Variants in DPYD observed in about 807,000 individuals in gnomAD.
The protein encoded by DPYD is dihydropyrimidine dehydrogenase.
In DPYD, 109 loss-of-function variants were observed where a neutral mutation model predicts 116.2. That is an observed-to-expected ratio of 0.94 (90% CI 0.80 to 1.10). DPYD has a LOEUF of 1.10. DPYD is among the 50% of genes least tolerant of loss of function. DPYD has a pLI of 0.00. For missense variants in DPYD, 1,302 were observed against 1,254.5 expected (o/e 1.04, Z -0.57); for synonymous variants, 440 against 432.0 (o/e 1.02, Z -0.23).
intron 7 of DPYD, among the ~76,000 whole-genome samples, chr1:97,686,874 GGGAGAAAA>G (rs1434820041): frequency 2.0e-5 from 3 of 151,928 alleles, no homozygotes; most frequent in Non-Finnish European, 4.4e-5. Flanking sequence ...CCTACAGAAT[GGGAGAAAA>G]TTTTTGGAAT....
At chr1:97,787,822 A>G (rs1667119632) in intron 3 of DPYD, among the ~76,000 whole-genome samples, 1 of 152,200 alleles carries the variant, frequency 6.6e-6, no homozygotes, top group African/African-American at 2.4e-5. Context: ...AAACATTGAT[A>G]TTACCATAAT....
chr1:97,230,685 C>T (rs533780227), intron 19 of DPYD, among the ~76,000 whole-genome samples: 2 of 152,246 alleles, frequency 1.3e-5, no homozygotes, highest in East Asian at 3.9e-4. Flanking sequence ...TGGGACATTT[C>T]ATGGAGAAAT....
chr1:97,665,807 C>T (rs904345460), intron 8 of DPYD, among the ~76,000 whole-genome samples: 13 of 152,142 alleles, frequency 8.5e-5, no homozygotes, highest in Non-Finnish European at 1.9e-4. Context: ...AAGTTAAGGA[C>T]ATCTTCTAAA....
At chr1:97,753,537 A>G (rs1665053943) in intron 3 of DPYD, among the ~76,000 whole-genome samples, 1 of 152,162 alleles carries the variant, frequency 6.6e-6, no homozygotes, top group Non-Finnish European at 1.5e-5. Context: ...AACTTGAGAA[A>G]GTTTCCTGAA....
intron 12 of DPYD, among the ~76,000 whole-genome samples, chr1:97,540,525 G>A (rs1650369266): frequency 6.6e-6 from 1 of 152,106 alleles, no homozygotes. Flanking sequence ...TGTGGAGCTG[G>A]GGTGTGCCAC....
intron 1 of DPYD, among the ~76,000 whole-genome samples, chr1:97,909,424 T>C (rs1056545098): frequency 7.9e-5 from 12 of 152,118 alleles, no homozygotes; most frequent in African/African-American, 2.9e-4. Flanking sequence ...CTGTTATCCC[T>C]CTCCAGCTAC....
At chr1:97,463,591 G>A (rs1677140685) in intron 13 of DPYD, among the ~76,000 whole-genome samples, 1 of 152,164 alleles carries the variant, frequency 6.6e-6, no homozygotes, top group Admixed American at 6.5e-5. Flanking sequence ...GAACAGTTTG[G>A]AGAGCTCAGA....
intron 20 of DPYD, among the ~76,000 whole-genome samples, chr1:97,152,454 A>G (rs1655098094): frequency 6.6e-6 from 1 of 151,808 alleles, no homozygotes; most frequent in African/African-American, 2.4e-5. Context: ...ACACACACAC[A>G]CACACACACA....
intron 16 of DPYD, among the ~76,000 whole-genome samples, chr1:97,314,427 T>C (rs947424221): frequency 5.3e-5 from 8 of 151,814 alleles, no homozygotes; most frequent in African/African-American, 1.9e-4. Flanking sequence ...ATTTCCCTAG[T>C]GTACCATTCC....
chr1:97,423,869 A>G (rs185656679), intron 14 of DPYD, among the ~76,000 whole-genome samples: 1 of 152,280 alleles, frequency 6.6e-6, no homozygotes, highest in East Asian at 1.9e-4. Flanking sequence ...AAAATAAGAA[A>G]TTAATATTGT....
chr1:97,817,523 C>A (rs182962830), intron 3 of DPYD, among the ~76,000 whole-genome samples: 9 of 151,922 alleles, frequency 5.9e-5, no homozygotes, highest in Admixed American at 4.6e-4. Context: ...AAACATAGGG[C>A]CAGCTATTTT....
chr1:97,453,136 C>G (rs1266556265), intron 13 of DPYD, among the ~76,000 whole-genome samples: 2 of 152,056 alleles, frequency 1.3e-5, no homozygotes, highest in Admixed American at 6.6e-5. Flanking sequence ...TCTCACGCAG[C>G]CTACTGTGAT....
intron 1 of DPYD, among the ~76,000 whole-genome samples, chr1:97,903,540 T>C (rs1673466750): frequency 6.6e-6 from 1 of 151,978 alleles, no homozygotes; most frequent in African/African-American, 2.4e-5. Context: ...TGGACAACGC[T>C]AAGTAAATGT....
At chr1:97,851,423 C>T (rs1326850239) in intron 2 of DPYD, among the ~76,000 whole-genome samples, 1 of 151,894 alleles carries the variant, frequency 6.6e-6, no homozygotes, top group Non-Finnish European at 1.5e-5. Flanking sequence ...TGTATTAAAT[C>T]TCCTAGATGC....
At chr1:97,222,228 G>A (rs372325589) in intron 19 of DPYD, among the ~76,000 whole-genome samples, 1 of 152,014 alleles carries the variant, frequency 6.6e-6, no homozygotes, top group Admixed American at 6.6e-5. Context: ...AAATAGGAAC[G>A]GACAGTAGAA....
intron 18 of DPYD, among the ~76,000 whole-genome samples, chr1:97,287,913 C>A (rs1280405141): frequency 6.6e-6 from 1 of 151,930 alleles, no homozygotes; most frequent in Non-Finnish European, 1.5e-5. Context: ...GAGTCAAGTC[C>A]CATCAGTGTG....
intron 8 of DPYD, among the ~76,000 whole-genome samples, chr1:97,658,881 C>CT (rs944820540): frequency 1.3e-4 from 20 of 152,322 alleles, no homozygotes; most frequent in African/African-American, 4.8e-4. Context: ...TCCAGAAACA[C>CT]TAGAGGTTTA....
chr1:97,392,198 CA>C (rs2101605118), intron 14 of DPYD, among the ~76,000 whole-genome samples: 1 of 152,104 alleles, frequency 6.6e-6, no homozygotes, highest in East Asian at 1.9e-4. Context: ...TTTGGTTTCC[CA>C]GTGCATAAAA....
At chr1:97,100,206 T>C (rs1314850347) in intron 20 of DPYD, among the ~76,000 whole-genome samples, 2 of 152,124 alleles carry the variant, frequency 1.3e-5, no homozygotes, top group Admixed American at 1.3e-4. Context: ...ATAAAACAAG[T>C]CCTTATCACA....
Sources: gnomAD v4.1 joint callset for allele counts (sites outside exome capture counted in the v4.1 genomes callset) on GRCh38, gnomAD v4.1.1 for gene constraint, MANE v1.5 for transcripts, NCBI Gene and HGNC (gene_info 2026-07-23, HGNC 2026-07-21) for gene names.